Variants in EYS observed in about 807,000 individuals in gnomAD.
EYS encodes the protein EGF-like photoreceptor maintenance factor, also known as protein eyes shut homolog.
Under a neutral mutation model 282.1 loss-of-function variants are expected in EYS, and 250 were observed. The ratio of observed to expected loss-of-function variants is 0.89; its 90% CI spans 0.80 to 0.98. EYS has a LOEUF of 0.98. Ranked by LOEUF, EYS falls within the 50% of genes least tolerant of loss-of-function variation. The pLI is 0.00. For missense variants in EYS, 4,016 were observed against 3,709.0 expected (o/e 1.08, Z -2.15); for synonymous variants, 1,355 against 1,282.9 (o/e 1.06, Z -1.20).
At chr6:64,072,698 T>A (rs78908992) in intron 32 of EYS, among the ~76,000 whole-genome samples, 1,692 of 152,026 alleles carry the variant, frequency 0.011, 23 homozygotes, top group East Asian at 0.031. Flanking sequence ...GGGGAGGGTG[T>A]TAATGCACTA....
chr6:64,644,586 A>G (rs1768285745), intron 22 of EYS, among the ~76,000 whole-genome samples: 1 of 152,192 alleles, frequency 6.6e-6, no homozygotes, highest in Non-Finnish European at 1.5e-5. Flanking sequence ...GGAGATTTAT[A>G]CTTATATTTA....
At chr6:63,878,880 C>T (rs953471815) in intron 35 of EYS, among the ~76,000 whole-genome samples, 1 of 152,126 alleles carries the variant, frequency 6.6e-6, no homozygotes, top group African/African-American at 2.4e-5. Context: ...TCTGTCATGG[C>T]CTCCCTTGGC....
intron 21 of EYS, among the ~76,000 whole-genome samples, chr6:64,819,829 T>C (rs1053689947): frequency 9.9e-5 from 15 of 151,842 alleles, no homozygotes; most frequent in Non-Finnish European, 1.9e-4. Flanking sequence ...GTAGATTTTA[T>C]CTATAATTTA....
At chr6:64,079,078 G>A (rs750747055) in intron 32 of EYS, among the ~76,000 whole-genome samples, 4 of 152,024 alleles carry the variant, frequency 2.6e-5, no homozygotes, top group East Asian at 3.9e-4. Context: ...TTTGTCTTTC[G>A]ATTATTATGT....
chr6:64,090,700 C>A (rs1395516500), intron 31 of EYS, among the ~76,000 whole-genome samples: 1 of 152,054 alleles, frequency 6.6e-6, no homozygotes, highest in Admixed American at 6.6e-5. Flanking sequence ...TTAGAATTTC[C>A]ATCTATCAAG....
chr6:65,624,997 T>C (rs954048373), intron 2 of EYS, among the ~76,000 whole-genome samples: 2 of 152,056 alleles, frequency 1.3e-5, no homozygotes, highest in Non-Finnish European at 2.9e-5. Context: ...ATGTTGTTCC[T>C]CTAGTGAGCC....
chr6:64,156,896 ATTT>A (rs1017019648), intron 31 of EYS, among the ~76,000 whole-genome samples: 4 of 151,192 alleles, frequency 2.6e-5, no homozygotes, highest in Admixed American at 1.3e-4. Flanking sequence ...TAATTAATTT[ATTT>A]TTTTATTATT....
chr6:64,122,597 C>T (rs867075709), intron 31 of EYS, among the ~76,000 whole-genome samples: 21 of 152,016 alleles, frequency 1.4e-4, no homozygotes, highest in African/African-American at 5.1e-4. Context: ...AGATGCTTCA[C>T]CAATCTGATT....
intron 12 of EYS, among the ~76,000 whole-genome samples, chr6:65,184,145 G>A (rs779627423): frequency 1.8e-4 from 27 of 152,014 alleles, no homozygotes; most frequent in Non-Finnish European, 3.4e-4. Context: ...ACATCGTGAT[G>A]TGTTTTAATC....
intron 2 of EYS, among the ~76,000 whole-genome samples, chr6:65,559,009 A>G (rs1768928253): frequency 6.6e-6 from 1 of 152,040 alleles, no homozygotes; most frequent in South Asian, 2.1e-4. Context: ...AATATTATAC[A>G]AAATCCATAA....
At chr6:64,167,102 G>C (rs35111895) in intron 31 of EYS, among the ~76,000 whole-genome samples, 2,079 of 152,286 alleles carry the variant, frequency 0.014, 17 homozygotes, top group Non-Finnish European at 0.021. Context: ...AAGTGAGAAA[G>C]ATTTCATTTA....
chr6:63,781,478 T>G (rs1770224464), intron 39 of EYS, among the ~76,000 whole-genome samples: 1 of 152,184 alleles, frequency 6.6e-6, no homozygotes, highest in African/African-American at 2.4e-5. Flanking sequence ...CCTTGTAAGT[T>G]GGATTCCTAG....
At chr6:63,947,243 G>T (rs906090999) in intron 35 of EYS, among the ~76,000 whole-genome samples, 1 of 151,950 alleles carries the variant, frequency 6.6e-6, no homozygotes, top group Non-Finnish European at 1.5e-5. Context: ...TTTCTAGTTT[G>T]TGTGACCTTG....
chr6:63,760,842 G>A (rs939562569), intron 41 of EYS, among the ~76,000 whole-genome samples: 4 of 151,788 alleles, frequency 2.6e-5, no homozygotes, highest in African/African-American at 9.7e-5. Flanking sequence ...CATCAAAACT[G>A]TGGCTTGCCC....
chr6:64,227,758 T>C (rs1393008214), intron 31 of EYS, among the ~76,000 whole-genome samples: 1 of 152,102 alleles, frequency 6.6e-6, no homozygotes, highest in African/African-American at 2.4e-5. Context: ...AGGTGTTGAT[T>C]GTACTCAATA....
At chr6:63,743,946 T>A (rs1413328466) in intron 41 of EYS, among the ~76,000 whole-genome samples, 1 of 152,148 alleles carries the variant, frequency 6.6e-6, no homozygotes, top group Middle Eastern at 3.2e-3. Context: ...AGGTTGCAAT[T>A]TGAGGCAGCA....
intron 22 of EYS, among the ~76,000 whole-genome samples, chr6:64,772,542 C>A (rs1156559243): frequency 6.6e-6 from 1 of 151,662 alleles, no homozygotes; most frequent in African/African-American, 2.4e-5. Context: ...ATTTTAAAAT[C>A]TACAGTAAAC....
intron 31 of EYS, among the ~76,000 whole-genome samples, chr6:64,169,071 C>A (rs1475562324): frequency 1.3e-5 from 2 of 152,116 alleles, no homozygotes; most frequent in African/African-American, 4.8e-5. Context: ...TGTTGTGTAT[C>A]AATTATTACC....
intron 19 of EYS, among the ~76,000 whole-genome samples, chr6:64,869,994 G>GA (rs912682945): frequency 6.6e-6 from 1 of 150,924 alleles, no homozygotes; most frequent in Non-Finnish European, 1.5e-5. Flanking sequence ...TAACAGTGGA[G>GA]AAAAAAAAGA....
Sources: allele counts gnomAD v4.1 joint callset (sites outside exome capture counted in the v4.1 genomes callset), GRCh38; gene constraint gnomAD v4.1.1; transcripts MANE v1.5; gene names NCBI Gene and HGNC (gene_info 2026-07-23, HGNC 2026-07-21).